SASH1: variants seen among roughly 807,000 people sequenced by gnomAD.
SASH1 encodes SAM and SH3 domain-containing protein 1.
A neutral mutation model predicts 125.2 loss-of-function variants in SASH1; 44 were observed. The ratio of observed to expected loss-of-function variants is 0.35; its 90% CI spans 0.28 to 0.45. SASH1 has a LOEUF of 0.45. Ranked by LOEUF, SASH1 falls within the 20% of genes least tolerant of loss-of-function variation. The pLI, the probability that SASH1 is intolerant of heterozygous loss-of-function variation, is 1.00. For synonymous variants in SASH1, 639 were observed against 649.1 expected (o/e 0.98, Z 0.24); for missense variants, 1,426 against 1,614.5 (o/e 0.88, Z 2.00).
intron 1 of SASH1, among the ~76,000 whole-genome samples, chr6:148,315,464 T>C (rs1251416428): frequency 6.6e-6 from 1 of 152,244 alleles, no homozygotes; most frequent in Non-Finnish European, 1.5e-5. Context: ...ACCACTACCT[T>C]AGATTCCTTG....
chr6:148,209,898 T>C, the SASH1 span, among the ~76,000 whole-genome samples: 208 of 152,272 alleles, frequency 1.4e-3, no homozygotes, highest in African/African-American at 4.8e-3. Context: ...AAAGAAAGAG[T>C]GTGCTCTAAG....
At chr6:148,528,199 A>T (rs985687004) in intron 12 of SASH1, among the ~76,000 whole-genome samples, 7 of 152,168 alleles carry the variant, frequency 4.6e-5, no homozygotes, top group Non-Finnish European at 7.3e-5. Flanking sequence ...CTATAATTTC[A>T]TTGCTAGAGA....
chr6:148,224,705 G>A, the SASH1 span, among the ~76,000 whole-genome samples: 1 of 152,114 alleles, frequency 6.6e-6, no homozygotes, highest in East Asian at 1.9e-4. Context: ...TTAGCAGTTT[G>A]CACACCCCTG....
At chr6:148,459,820 G>T (rs183390217) in intron 4 of SASH1, among the ~76,000 whole-genome samples, 388 of 152,254 alleles carry the variant, frequency 2.5e-3, no homozygotes, top group Non-Finnish European at 4.4e-3. Flanking sequence ...CTATGTGATC[G>T]GTAACATTTT....
chr6:148,265,061 A>G, the SASH1 span, among the ~76,000 whole-genome samples: 1 of 152,346 alleles, frequency 6.6e-6, no homozygotes, highest in East Asian at 1.9e-4. Flanking sequence ...TTTGTAGTAT[A>G]TATAATAGAA....
At chr6:148,295,962 G>T (rs1325920678) in intron 1 of SASH1, among the ~76,000 whole-genome samples, 2 of 152,062 alleles carry the variant, frequency 1.3e-5, no homozygotes, top group African/African-American at 2.4e-5. Flanking sequence ...ACAAAGTTTC[G>T]TATTATTCTA....
intron 4 of SASH1, among the ~76,000 whole-genome samples, chr6:148,468,216 A>G (rs1777934962): frequency 6.6e-6 from 1 of 152,220 alleles, no homozygotes; most frequent in African/African-American, 2.4e-5. Context: ...CTCTTACACA[A>G]GAGACTTCCC....
Position 148,499,790 on chromosome 6 carries a change from A to G in SASH1, c.729+12075A>G, listed in dbSNP as rs184763435. ...AAAATTAGGTCAAGTAATATGAAGC[A>G]TTTCTCTCTCTCAGTATTTTGACTT... On this transcript the variant is annotated intron_variant, in intron 8 of 19. Coordinates refer to ENST00000367467, the MANE Select transcript of SASH1 (RefSeq NM_015278.5). 2.0e-5 allele frequency among the ~76,000 whole-genome samples: 3 copies of G among 152,288 alleles called. No individual in the cohort carries two copies. The East Asian group carries it at 5.8e-4, about 29-fold the overall frequency.
intron 4 of SASH1, among the ~76,000 whole-genome samples, chr6:148,456,107 T>G (rs868054534): frequency 6.6e-6 from 1 of 152,168 alleles, no homozygotes; most frequent in Non-Finnish European, 1.5e-5. Flanking sequence ...AGTCCTGACC[T>G]GCTTCCGGAG....
At chr6:148,389,968 G>A (rs746470601) in intron 1 of SASH1, among the ~76,000 whole-genome samples, 166 bp from the exon 2 acceptor site, 4 of 152,196 alleles carry the variant, frequency 2.6e-5, no homozygotes, top group Non-Finnish European at 4.4e-5. Context: ...TCAGAGGGCT[G>A]TCCTGAGGGT....
chr6:148,332,695 A>G (rs1364126364), intron 1 of SASH1, among the ~76,000 whole-genome samples: 1 of 152,144 alleles, frequency 6.6e-6, no homozygotes, highest in Non-Finnish European at 1.5e-5. Flanking sequence ...GTTTTTAAAA[A>G]TAATCTACTG....
At chr6:148,542,579 G>A (rs1458256850) in intron 17 of SASH1, among the ~76,000 whole-genome samples, 1 of 152,030 alleles carries the variant, frequency 6.6e-6, no homozygotes, top group African/African-American at 2.4e-5. Context: ...ATGAGAGACG[G>A]GGTTTCACCG....
At chr6:148,320,085 T>C (rs1041963472) in intron 1 of SASH1, among the ~76,000 whole-genome samples, 2 of 152,266 alleles carry the variant, frequency 1.3e-5, no homozygotes, top group African/African-American at 4.8e-5. Context: ...TCGTTAGTTG[T>C]TAATGTATTA....
chr6:148,277,128 G>C (rs1182865339), intron 1 of SASH1, among the ~76,000 whole-genome samples: 3 of 152,210 alleles, frequency 2.0e-5, no homozygotes, highest in African/African-American at 7.2e-5. Flanking sequence ...ATGGGAGCCA[G>C]TATTTGAACC....
intron 8 of SASH1, among the ~76,000 whole-genome samples, chr6:148,490,863 A>C (rs957210364): frequency 3.3e-5 from 5 of 152,210 alleles, no homozygotes; most frequent in Non-Finnish European, 7.3e-5. Flanking sequence ...CCAATAGCCT[A>C]TACACCAGAC....
chr6:148,301,380 C>G (rs969842690), intron 1 of SASH1, among the ~76,000 whole-genome samples: 1 of 151,338 alleles, frequency 6.6e-6, no homozygotes, highest in African/African-American at 2.4e-5. Flanking sequence ...ATTCTCCTGC[C>G]TCTGCTTCCC....
At chr6:148,490,334 G>T (rs1302719913) in intron 8 of SASH1, among the ~76,000 whole-genome samples, 1 of 151,822 alleles carries the variant, frequency 6.6e-6, no homozygotes, top group East Asian at 1.9e-4. Flanking sequence ...TCAGCCTCCC[G>T]AGTAGTTAGG....
At chr6:148,304,796 G>C (rs1780078746) in intron 1 of SASH1, among the ~76,000 whole-genome samples, 1 of 152,222 alleles carries the variant, frequency 6.6e-6, no homozygotes, top group African/African-American at 2.4e-5. Context: ...GGGAGGCCGA[G>C]GCAGGCGGAT....
chr6:148,504,466 C>T (rs990045250), intron 8 of SASH1, among the ~76,000 whole-genome samples: 14 of 152,276 alleles, frequency 9.2e-5, no homozygotes, highest in African/African-American at 3.4e-4. Context: ...GAAGTCCCTT[C>T]TCAGCAAATT....
Sources: allele counts gnomAD v4.1 joint callset (sites outside exome capture counted in the v4.1 genomes callset), GRCh38; gene constraint gnomAD v4.1.1; transcripts MANE v1.5; gene names NCBI Gene and HGNC (gene_info 2026-07-23, HGNC 2026-07-21).